The following ADAM10 variants were observed in gnomAD, a reference collection of about 807,000 sequenced individuals.
ADAM10 encodes the protein disintegrin and metalloproteinase domain-containing protein 10.
In ADAM10, 17 loss-of-function variants were observed where a neutral mutation model predicts 90.1. That is an observed-to-expected ratio of 0.19 (90% CI 0.13 to 0.28). The LOEUF is 0.28. Ranked by LOEUF, ADAM10 falls within the 10% of genes least tolerant of loss-of-function variation. ADAM10 has a pLI of 1.00. For missense variants in ADAM10, 610 were observed against 914.3 expected, an observed-to-expected ratio of 0.67 and a Z score of 4.29; for synonymous variants, 310 against 298.6, an observed-to-expected ratio of 1.04 and a Z score of -0.40.
chr15:58,640,697 A>T, intron 8 of ADAM10, 80 bp downstream of exon 8: 1 of 1,350,140 alleles, frequency 7.4e-7, no homozygotes, highest in Non-Finnish European at 1.0e-6. Flanking sequence ...TTTCTCCTAT[A>T]CTTTGAAAAT....
chr15:58,693,490 T>C (rs767693346), intron 2 of ADAM10, among the ~76,000 whole-genome samples: 2 of 152,162 alleles, frequency 1.3e-5, no homozygotes, highest in Non-Finnish European at 2.9e-5. Flanking sequence ...ATTCAAAGAA[T>C]TGATAGGTTT....
intron 5 of ADAM10, among the ~76,000 whole-genome samples, chr15:58,656,439 G>A (rs1162927102): frequency 6.6e-6 from 1 of 151,386 alleles, no homozygotes; most frequent in Non-Finnish European, 1.5e-5. Context: ...TTTCTCCGGT[G>A]GTATGATTTA....
intron 2 of ADAM10, among the ~76,000 whole-genome samples, chr15:58,705,001 GA>G (rs1264574576): frequency 6.6e-6 from 1 of 152,120 alleles, no homozygotes; most frequent in East Asian, 1.9e-4. Flanking sequence ...GCAAGTCTTT[GA>G]AAACTGAACA....
intron 11 of ADAM10, among the ~76,000 whole-genome samples, chr15:58,617,130 AT>A (rs1274863992): frequency 4.6e-5 from 7 of 152,140 alleles, no homozygotes; most frequent in East Asian, 3.9e-4. Flanking sequence ...AAATAAAAAA[AT>A]AAAATAAAAA....
chr15:58,731,491 G>T (rs1899238025), intron 1 of ADAM10, among the ~76,000 whole-genome samples: 1 of 151,994 alleles, frequency 6.6e-6, no homozygotes, highest in South Asian at 2.1e-4. Flanking sequence ...AGCCAGGTGT[G>T]GTGGCACACA....
intron 6 of ADAM10, among the ~76,000 whole-genome samples, chr15:58,645,849 T>C (rs913037752): frequency 2.1e-5 from 3 of 145,954 alleles, no homozygotes; most frequent in Non-Finnish European, 3.0e-5. Flanking sequence ...CAGGAAATCA[T>C]TGTCTTACCC....
At chr15:58,715,239 T>C (rs1384809114) in intron 2 of ADAM10, among the ~76,000 whole-genome samples, 2 of 151,850 alleles carry the variant, frequency 1.3e-5, no homozygotes, top group Non-Finnish European at 2.9e-5. Context: ...CTGGCCAACA[T>C]GGTGAAACCC....
intron 1 of ADAM10, among the ~76,000 whole-genome samples, chr15:58,746,488 C>G (rs549498858): frequency 6.6e-6 from 1 of 152,354 alleles, no homozygotes; most frequent in South Asian, 2.1e-4. Flanking sequence ...TAGGATGGGA[C>G]TGTGCCGGAA....
intron 1 of ADAM10, among the ~76,000 whole-genome samples, chr15:58,736,951 G>GT (rs576200597): frequency 6.0e-5 from 9 of 150,840 alleles, no homozygotes; most frequent in Non-Finnish European, 8.9e-5. Context: ...CCCATCTCTA[G>GT]TTTTTTTTTA....
intron 7 of ADAM10, 65 bp downstream of exon 7, chr15:58,643,821 G>A (rs1462149150): frequency 8.5e-6 from 10 of 1,173,220 alleles, no homozygotes; most frequent in Non-Finnish European, 1.3e-5. Flanking sequence ...GCTTTTGTGT[G>A]TGTGTGTAAA....
chr15:58,703,572 T>C (rs1269432608), intron 2 of ADAM10, among the ~76,000 whole-genome samples: 8 of 152,080 alleles, frequency 5.3e-5, no homozygotes, highest in African/African-American at 1.7e-4. Flanking sequence ...GAAAACATCA[T>C]GATAAGTTAA....
chr15:58,636,216 G>A (rs1201381649), intron 8 of ADAM10, among the ~76,000 whole-genome samples: 1 of 151,536 alleles, frequency 6.6e-6, no homozygotes, highest in African/African-American at 2.4e-5. Flanking sequence ...GGCGGGGGTT[G>A]CCATGAGCAG....
chr15:58,640,496 G>A (rs1896388377), intron 8 of ADAM10, among the ~76,000 whole-genome samples: 1 of 151,618 alleles, frequency 6.6e-6, no homozygotes, highest in South Asian at 2.1e-4. Flanking sequence ...TTTCCCTTTG[G>A]GTTTCAGAAT....
rs376983071 is a variant in ADAM10, at chr15:58,730,749, G to A, written c.56-13022C>T. 5.9e-5 allele frequency among the ~76,000 whole-genome samples: 9 copies of A among 152,238 alleles called. No homozygotes were observed. The East Asian group carries it at 1.2e-3, about 20-fold the overall frequency. ...GTGAAGACTGGCGGGTGGAGTGGTG[G>A]GCTGACTGGGGAAGATCCACCTGCA... On this transcript the variant is annotated intron_variant, in intron 1 of 15. Transcript: ENST00000260408.
intron 1 of ADAM10, among the ~76,000 whole-genome samples, chr15:58,721,371 C>G (rs1201322188): frequency 6.6e-6 from 1 of 152,126 alleles, no homozygotes; most frequent in Non-Finnish European, 1.5e-5. Flanking sequence ...CTATATAAGA[C>G]CTATGAATGT....
At chr15:58,727,396 G>C (rs1158901251) in intron 1 of ADAM10, among the ~76,000 whole-genome samples, 1 of 151,938 alleles carries the variant, frequency 6.6e-6, no homozygotes, top group Non-Finnish European at 1.5e-5. Flanking sequence ...TTGCCATGTT[G>C]GCCAGGTTGG....
chr15:58,606,164 C>T (rs906056448), intron 14 of ADAM10, among the ~76,000 whole-genome samples: 2 of 152,158 alleles, frequency 1.3e-5, no homozygotes, highest in Non-Finnish European at 2.9e-5. Context: ...GAGCTCCTTG[C>T]CATGATACTG....
intron 1 of ADAM10, among the ~76,000 whole-genome samples, chr15:58,728,056 G>A (rs1899099383): frequency 6.6e-6 from 1 of 152,068 alleles, no homozygotes; most frequent in South Asian, 2.1e-4. Context: ...CTTTTTAAGG[G>A]CACATGGAAC....
rs1334584744 is a variant in ADAM10, at chr15:58,698,590, A to AT, written c.207-16277_207-16276insA. Among the ~76,000 whole-genome samples the AT allele has an allele frequency of 4.0e-5, 6 of 151,442 alleles. No homozygotes were observed. In the East Asian group the frequency reaches 5.8e-4, roughly 15 times the overall value. On this transcript the variant is annotated intron_variant, in intron 2 of 15. Coordinates refer to ENST00000260408, the MANE Select transcript of ADAM10 (RefSeq NM_001110.4). ...GACCTTGTCTCAAAAAAAAAAAAAA[A>AT]AGATAGACAGATATCATAAAAAAGA... is the stretch of plus-strand genomic sequence containing the variant.
Sources: allele counts gnomAD v4.1 joint callset (sites outside exome capture counted in the v4.1 genomes callset), GRCh38; gene constraint gnomAD v4.1.1; transcripts MANE v1.5; gene names NCBI Gene and HGNC (gene_info 2026-07-23, HGNC 2026-07-21).